The following PLCH1 variants were observed in gnomAD, a reference collection of about 807,000 sequenced individuals.
The protein encoded by PLCH1 is 1-phosphatidylinositol 4,5-bisphosphate phosphodiesterase eta-1.
PLCH1 carries 60 observed loss-of-function variants against 126.7 expected under a neutral mutation model. The observed-to-expected ratio is 0.47, with a 90% CI of 0.38 to 0.59. The LOEUF is 0.59. PLCH1 is among the 20% of genes least tolerant of loss of function. PLCH1 has a pLI of 0.00. For missense variants in PLCH1, 1,723 were observed against 2,040.0 expected (o/e 0.84, Z 2.99); for synonymous variants, 719 against 734.9 (o/e 0.98, Z 0.35).
chr3:155,729,303 A>G (rs1445169119), intron 1 of PLCH1, among the ~76,000 whole-genome samples: 1 of 152,206 alleles, frequency 6.6e-6, no homozygotes, highest in Admixed American at 6.5e-5. Context: ...AGCAATAAGG[A>G]GTGCAGCTCC....
In PLCH1 at chr3:155,523,896, C is replaced by A; in HGVS notation, c.1470+1G>T. 6.5e-7 allele frequency: 1 copy of A among 1,545,378 alleles called. No homozygotes were observed. Among genetic ancestry groups the A allele is most frequent in the Non-Finnish European group, 8.9e-7 (1 of 1,126,064 alleles). On this transcript the variant is annotated splice_donor_variant, in intron 11 of 22. Transcript: ENST00000460012. LOFTEE classifies it high-confidence loss of function. Reference sequence around the variant, plus strand: ...AAAATATGGTCATGCCTGCAACTTACATAATGGAGCTTGAATTTGCACTCG... The same window carrying A: ...AAAATATGGTCATGCCTGCAACTTAAATAATGGAGCTTGAATTTGCACTCG...
At chr3:155,677,024 A>T (rs1193544299) in intron 2 of PLCH1, among the ~76,000 whole-genome samples, 1 of 152,238 alleles carries the variant, frequency 6.6e-6, no homozygotes, top group African/African-American at 2.4e-5. Flanking sequence ...ACAGACACAT[A>T]AGCAGATACA....
At chr3:155,598,216 A>G (rs1430786816) in intron 2 of PLCH1, among the ~76,000 whole-genome samples, 2 of 152,142 alleles carry the variant, frequency 1.3e-5, no homozygotes, top group Admixed American at 6.5e-5. Context: ...ATAAACACAC[A>G]AACTTGAAAT....
intron 2 of PLCH1, among the ~76,000 whole-genome samples, chr3:155,681,687 A>G (rs576830578): frequency 6.0e-4 from 91 of 152,332 alleles, no homozygotes; most frequent in African/African-American, 2.1e-3. Flanking sequence ...AATCATTGCT[A>G]TAAGTTATAT....
chr3:155,736,863 TTTTC>T (rs772228083), intron 1 of PLCH1, among the ~76,000 whole-genome samples: 23 of 152,136 alleles, frequency 1.5e-4, no homozygotes, highest in Non-Finnish European at 2.9e-4. Flanking sequence ...TATATTCTCT[TTTTC>T]TTTCTTTGTT....
intron 1 of PLCH1, among the ~76,000 whole-genome samples, chr3:155,741,903 T>A (rs1306352898): frequency 6.6e-6 from 1 of 152,142 alleles, no homozygotes; most frequent in Non-Finnish European, 1.5e-5. Context: ...TTGCCAAGAC[T>A]ACAAGTTTTA....
At chr3:155,633,290 A>G (rs1001805978) in intron 2 of PLCH1, among the ~76,000 whole-genome samples, 2 of 149,482 alleles carry the variant, frequency 1.3e-5, no homozygotes, top group Admixed American at 6.7e-5. Context: ...TATTTTGATT[A>G]TTGTATATCT....
At chr3:155,620,798 C>T (rs1370675953) in intron 2 of PLCH1, among the ~76,000 whole-genome samples, 1 of 152,158 alleles carries the variant, frequency 6.6e-6, no homozygotes, top group Non-Finnish European at 1.5e-5. Flanking sequence ...CTCCCTGGGA[C>T]AGAGCACCTG....
At chr3:155,611,538 T>TA (rs1254747915) in intron 2 of PLCH1, among the ~76,000 whole-genome samples, 1 of 152,184 alleles carries the variant, frequency 6.6e-6, no homozygotes, top group Non-Finnish European at 1.5e-5. Context: ...CTACTAGACT[T>TA]AAGAAACTGA....
At chr3:155,568,688 T>C (rs1431327369) in intron 6 of PLCH1, among the ~76,000 whole-genome samples, 5 of 151,862 alleles carry the variant, frequency 3.3e-5, no homozygotes, top group East Asian at 1.9e-4. Flanking sequence ...AGTTTGCTGA[T>C]CATAAATATA....
At chr3:155,559,319 C>G (rs572725283) in intron 8 of PLCH1, among the ~76,000 whole-genome samples, 1 of 152,126 alleles carries the variant, frequency 6.6e-6, no homozygotes, top group African/African-American at 2.4e-5. Context: ...ACGGAAAACA[C>G]TTAGCCAGGA....
Position 155,494,254 on chromosome 3 carries a change from C to A in PLCH1, c.2075-6G>T. 1 of 1,612,648 alleles carries A rather than the reference C, an allele frequency of 6.2e-7. No homozygotes were observed. The highest frequency in any genetic ancestry group is 8.5e-7 in the Non-Finnish European group (1 of 1,178,754). ...AGATTGATAATTCAGTGCCACTGTG[C>A]AAGTTGAAAGTGGGAGAGAATTAGG... is the stretch of plus-strand genomic sequence containing the variant. On this transcript the variant is annotated splice_polypyrimidine_tract_variant and splice_region_variant and intron_variant, in intron 16 of 22. Coordinates refer to ENST00000460012, the MANE Select transcript of PLCH1 (RefSeq NM_014996.4).
chr3:155,511,939 C>G (rs989565719), intron 12 of PLCH1, among the ~76,000 whole-genome samples: 3 of 152,050 alleles, frequency 2.0e-5, no homozygotes. Flanking sequence ...TGGCGGGCGC[C>G]CCTCCCCCAG....
At chr3:155,561,116 T>A (rs1396745695) in intron 8 of PLCH1, among the ~76,000 whole-genome samples, 1 of 45,016 alleles carries the variant, frequency 2.2e-5, no homozygotes, top group African/African-American at 3.8e-5. Context: ...CACCTTTTCT[T>A]TTTTTTTTAA....
chr3:155,583,096 AAATTTATACTAATATG>A (rs1730922415), intron 6 of PLCH1, among the ~76,000 whole-genome samples: 2 of 150,030 alleles, frequency 1.3e-5, no homozygotes, highest in African/African-American at 4.9e-5. Flanking sequence ...AAATTTGACT[AAATTTATACTAATATG>A]AATTTATACT....
chr3:155,489,992 G>A (rs1159215079), intron 19 of PLCH1, among the ~76,000 whole-genome samples: 2 of 152,118 alleles, frequency 1.3e-5, no homozygotes, highest in Non-Finnish European at 2.9e-5. Context: ...AGAATCTATT[G>A]AACATCGGTG....
chr3:155,590,385 T>C (rs1311922514), intron 4 of PLCH1, among the ~76,000 whole-genome samples: 1 of 152,144 alleles, frequency 6.6e-6, no homozygotes, highest in Non-Finnish European at 1.5e-5. Context: ...GAGACCATCC[T>C]AGCTAACACG....
At chr3:155,506,418 T>G (rs1718727208) in intron 12 of PLCH1, among the ~76,000 whole-genome samples, 1 of 151,310 alleles carries the variant, frequency 6.6e-6, no homozygotes, top group East Asian at 2.0e-4. Flanking sequence ...TAGTTACATA[T>G]GTATACATGT....
chr3:155,742,219 G>C (rs1749690954), intron 1 of PLCH1: 1 of 152,156 alleles, frequency 6.6e-6, no homozygotes, highest in Non-Finnish European at 1.5e-5. Context: ...TGTTGACTAA[G>C]TGAATAAATT....
Sources: allele counts gnomAD v4.1 joint callset (sites outside exome capture counted in the v4.1 genomes callset), GRCh38; gene constraint gnomAD v4.1.1; transcripts MANE v1.5; gene names NCBI Gene and HGNC (gene_info 2026-07-23, HGNC 2026-07-21).